The following FAT3 variants were observed in gnomAD, a reference collection of about 807,000 sequenced individuals.
FAT3 encodes the protein FAT atypical cadherin 3, also known as protocadherin Fat 3.
Under a neutral mutation model 310.2 loss-of-function variants are expected in FAT3, and 95 were observed. The observed-to-expected ratio is 0.31, with a 90% CI of 0.26 to 0.36. The LOEUF (loss-of-function observed/expected upper bound fraction) is 0.36. Among genes scored for constraint, FAT3 ranks in the 10% least tolerant of loss-of-function variants. The probability of loss-of-function intolerance (pLI) is 1.00; values close to 1 mark genes in which losing one functional copy is unlikely to be tolerated. For missense variants in FAT3, 5,408 were observed against 5,715.6 expected, an observed-to-expected ratio of 0.95 and a Z score of 1.74; for synonymous variants, 2,314 against 2,192.9, an observed-to-expected ratio of 1.06 and a Z score of -1.54.
chr11:92,859,489 C>T (rs1949068555), intron 21 of FAT3, among the ~76,000 whole-genome samples, 167 bp downstream of exon 21: 1 of 152,164 alleles, frequency 6.6e-6, no homozygotes, highest in Admixed American at 6.5e-5. Flanking sequence ...GCCAACATCC[C>T]ATTTCCTTTT....
intron 3 of FAT3, among the ~76,000 whole-genome samples, chr11:92,555,357 G>A (rs1273465293): frequency 1.3e-5 from 2 of 152,164 alleles, no homozygotes; most frequent in South Asian, 2.1e-4. Flanking sequence ...ACTTTGCATT[G>A]GAAATAACTT....
chr11:92,491,846 C>T (rs1260484479), intron 2 of FAT3, among the ~76,000 whole-genome samples: 1 of 152,024 alleles, frequency 6.6e-6, no homozygotes, highest in Non-Finnish European at 1.5e-5. Flanking sequence ...GGCCATGGCT[C>T]TTGACAGACC....
At chr11:92,839,239 T>C (rs1263938312) in intron 17 of FAT3, among the ~76,000 whole-genome samples, 1 of 152,166 alleles carries the variant, frequency 6.6e-6, no homozygotes, top group Non-Finnish European at 1.5e-5. Context: ...GGGGCCCCTA[T>C]CCGCAGGGCA....
At chr11:92,649,597 G>A (rs1942294546) in intron 3 of FAT3, among the ~76,000 whole-genome samples, 1 of 152,062 alleles carries the variant, frequency 6.6e-6, no homozygotes, top group Admixed American at 6.6e-5. Flanking sequence ...AAGTTGCATA[G>A]CAGGAGTTTT....
intron 4 of FAT3, among the ~76,000 whole-genome samples, chr11:92,739,670 A>G (rs545375414): frequency 5.9e-5 from 9 of 152,330 alleles, no homozygotes; most frequent in African/African-American, 1.9e-4. Flanking sequence ...TACATGTTTA[A>G]GCATAGAATG....
intron 20 of FAT3, among the ~76,000 whole-genome samples, chr11:92,858,832 C>G (rs1397334196): frequency 1.3e-5 from 2 of 152,076 alleles, no homozygotes; most frequent in East Asian, 3.9e-4. Context: ...GAAGGGGTAT[C>G]TTTTAATAAT....
At chr11:92,760,736 G>A (rs1186026757) in intron 4 of FAT3, among the ~76,000 whole-genome samples, 1 of 152,182 alleles carries the variant, frequency 6.6e-6, no homozygotes, top group Non-Finnish European at 1.5e-5. Flanking sequence ...GTTATAAACT[G>A]TGCCACACTA....
At chr11:92,763,649 C>CTT (rs1216999994) in intron 5 of FAT3, among the ~76,000 whole-genome samples, 2 of 152,208 alleles carry the variant, frequency 1.3e-5, no homozygotes, top group Admixed American at 6.5e-5. Context: ...GTCCAATCCC[C>CTT]TTGCCTCAAA....
intron 3 of FAT3, among the ~76,000 whole-genome samples, chr11:92,651,073 G>A (rs1008768169): frequency 6.6e-6 from 1 of 152,142 alleles, no homozygotes; most frequent in Non-Finnish European, 1.5e-5. Flanking sequence ...GGCCTCCTTT[G>A]GTTTGTGGAT....
intron 4 of FAT3, among the ~76,000 whole-genome samples, chr11:92,709,614 C>A (rs1440897406): frequency 6.6e-6 from 1 of 152,188 alleles, no homozygotes. Flanking sequence ...TGAATGTTGG[C>A]TGAGTGGAAG....
intron 7 of FAT3, among the ~76,000 whole-genome samples, chr11:92,779,290 CTG>C (rs746200224): frequency 1.6e-4 from 24 of 152,086 alleles, no homozygotes; most frequent in Admixed American, 3.3e-4. Context: ...AGTGCCCAGA[CTG>C]TGGTATTTAC....
At chr11:92,875,403 G>A (rs1949506987) in intron 22 of FAT3, among the ~76,000 whole-genome samples, 1 of 150,164 alleles carries the variant, frequency 6.7e-6, no homozygotes, top group African/African-American at 2.5e-5. Flanking sequence ...GCAGGAGCCA[G>A]ACTTCCTGGG....
intron 2 of FAT3, among the ~76,000 whole-genome samples, chr11:92,454,599 C>G (rs1344897819): frequency 6.6e-6 from 1 of 152,080 alleles, no homozygotes; most frequent in African/African-American, 2.4e-5. Flanking sequence ...TTCAAAACCT[C>G]ACTTAACTTT....
rs188551321 is a variant in FAT3, at chr11:92,454,665, T to C, written c.3293-69969T>C. On this transcript the variant is annotated intron_variant, in intron 2 of 27. Coordinates refer to ENST00000525166, the MANE Select transcript of FAT3 (RefSeq NM_001367949.2). The stretch of plus-strand genomic sequence containing the variant: ...AGGCCTTTGAGTTGATCTTCCATGT[T>C]TTAGAACTCTGATAGGCATTTGGAT... 2.9e-3 allele frequency among the ~76,000 whole-genome samples: 443 copies of C among 152,246 alleles called. 1 individual carries two copies. The highest frequency in any genetic ancestry group is 6.9e-3 in the Admixed American group (106 of 15,290).
chr11:92,354,501 T>A lies in FAT3; in HGVS notation c.2389T>A (p.Tyr797Asn). 1 of 1,613,898 alleles carries A rather than the reference T, an allele frequency of 6.2e-7. No homozygotes were observed. Among genetic ancestry groups the A allele is most frequent in the Non-Finnish European group, 8.5e-7 (1 of 1,179,868 alleles). Residue 797 changes from tyrosine (Y) to asparagine (N), a missense_variant, in exon 2 of 28, where the codon TAT (tyrosine) becomes AAT (asparagine). Transcript: ENST00000525166. The part of the protein sequence containing the change: ...MPMDREHTDL[Y>N]LLNITIYDLG... The stretch of plus-strand genomic sequence containing the variant: ...CATGGATCGAGAACACACAGACCTC[T>A]ATCTCCTTAATATCACCATCTATGA...
chr11:92,706,913 C>G (rs1403488497), intron 4 of FAT3, among the ~76,000 whole-genome samples: 1 of 152,208 alleles, frequency 6.6e-6, no homozygotes, highest in Admixed American at 6.5e-5. Context: ...ACAGGCATTT[C>G]TATCTGAGCC....
rs573212987 is a variant in FAT3 at position 92,475,591 on chromosome 11, T to C, written c.3293-49043T>C. On this transcript the variant is annotated intron_variant, in intron 2 of 27. Coordinates refer to ENST00000525166, the MANE Select transcript of FAT3 (RefSeq NM_001367949.2). ...TTCAGTTTCTAACATTAGAAACTACTGACATTCTTTGTTAGTTCTTCAGCA... is the reference window on the plus strand; with the variant it reads ...TTCAGTTTCTAACATTAGAAACTACCGACATTCTTTGTTAGTTCTTCAGCA... 2.6e-5 allele frequency among the ~76,000 whole-genome samples: 4 copies of C among 152,100 alleles called. 1 individual carries two copies. In the East Asian group the frequency reaches 7.8e-4, roughly 30 times the overall value.
chr11:92,550,166 A>G (rs1000200527), intron 3 of FAT3, among the ~76,000 whole-genome samples: 16 of 152,196 alleles, frequency 1.1e-4, no homozygotes, highest in Non-Finnish European at 1.0e-4. Context: ...ATGCTAAGAA[A>G]TTAGGCTGTA....
At chr11:92,366,424 G>A (rs778628728) in intron 2 of FAT3, 8 of 348,922 alleles carry the variant, frequency 2.3e-5, no homozygotes, top group Non-Finnish European at 4.6e-5. Flanking sequence ...GACATGTCCA[G>A]GAGGGAGGTG....
Sources: allele counts gnomAD v4.1 joint callset (sites outside exome capture counted in the v4.1 genomes callset), GRCh38; gene constraint gnomAD v4.1.1; transcripts MANE v1.5; gene names NCBI Gene and HGNC (gene_info 2026-07-23, HGNC 2026-07-21).